The following USP6NL variants were observed in gnomAD, a reference collection of about 807,000 sequenced individuals.
The protein encoded by USP6NL is USP6 N-terminal-like protein.
A neutral mutation model predicts 61.9 loss-of-function variants in USP6NL; 26 were observed. The observed-to-expected ratio is 0.42, with a 90% CI of 0.31 to 0.58. The LOEUF is 0.58. Among genes scored for constraint, USP6NL ranks in the 20% least tolerant of loss-of-function variants. The probability of loss-of-function intolerance (pLI) is 0.16; values close to 1 mark genes in which losing one functional copy is unlikely to be tolerated. For synonymous variants in USP6NL, 432 were observed against 390.1 expected, an observed-to-expected ratio of 1.11 and a Z score of -1.27; for missense variants, 1,114 against 1,034.3, an observed-to-expected ratio of 1.08 and a Z score of -1.06.
chr10:11,499,031 C>G lies in USP6NL; in HGVS notation c.384+2070G>C, dbSNP rs563727053. On this transcript the variant is annotated intron_variant, in intron 7 of 14. Transcript: ENST00000609104. This position sits in a 1 kb window ranked among gnomAD's most constrained non-coding sequence, Gnocchi z 4.5. ...CTTTATGGGGACAAGAAAGGACAAA[C>G]AGGCCACCAGGGGAACTTGAAGGAC... Among the ~76,000 whole-genome samples the G allele has an allele frequency of 3.9e-5, 6 of 152,188 alleles. No homozygotes were observed. The highest frequency in any genetic ancestry group is 8.8e-5 in the Non-Finnish European group (6 of 68,034).
intron 2 of USP6NL, among the ~76,000 whole-genome samples, chr10:11,559,151 A>G (rs1287840393): frequency 6.6e-6 from 1 of 152,164 alleles, no homozygotes; most frequent in African/African-American, 2.4e-5. Flanking sequence ...GTGTGTGTGT[A>G]CCCAGGTACT....
intron 7 of USP6NL, among the ~76,000 whole-genome samples, chr10:11,493,681 T>C (rs1398142251): frequency 6.6e-6 from 1 of 152,260 alleles, no homozygotes; most frequent in Admixed American, 6.5e-5. Flanking sequence ...CCACTATAAA[T>C]GGTATAATCT....
At position 11,520,785 on chromosome 10, in the gene USP6NL, G is replaced by C. The variant is rs532421174; in HGVS notation, c.156-2211C>G. On this transcript the variant is annotated intron_variant, in intron 4 of 14. Transcript: ENST00000609104. This position sits in a 1 kb window ranked among gnomAD's most constrained non-coding sequence, Gnocchi z 5.2. ...TATTGTCTCTGGTTGTTTTCATGCT[G>C]CAACAGCAGGGTTAAGCAGTTGTGA... 6.6e-6 allele frequency among the ~76,000 whole-genome samples: 1 copy of C among 152,212 alleles called. No individual in the cohort carries two copies. Among genetic ancestry groups the C allele is most frequent in the Non-Finnish European group, 1.5e-5 (1 of 68,034 alleles).
chr10:11,546,441 G>T (rs561491826), intron 2 of USP6NL, among the ~76,000 whole-genome samples: 2 of 151,506 alleles, frequency 1.3e-5, no homozygotes, highest in Non-Finnish European at 2.9e-5. Context: ...TTGATCTGTC[G>T]CCCAGGCTGG....
rs149524215 is a variant in USP6NL, at chr10:11,563,836, C to T, written c.4+33795G>A. Reference sequence around the variant, plus strand: ...GTCTCCATCGACTCTACACAGACGACTCCCAGCCCCTGAGCATGCAGCCCT... The same window carrying T: ...GTCTCCATCGACTCTACACAGACGATTCCCAGCCCCTGAGCATGCAGCCCT... On this transcript the variant is annotated intron_variant, in intron 2 of 14. Transcript: ENST00000609104. 2.6e-5 allele frequency: 4 copies of T among 152,326 alleles called. No homozygotes were observed. The South Asian group carries it at 8.3e-4, about 32-fold the overall frequency. The allele number at this position is 152,326 out of a possible 1,614,324, so 9.4% of individuals were successfully genotyped here.
Position 11,485,163 on chromosome 10 carries a change from A to C in USP6NL, c.825+6T>G. 6.5e-7 allele frequency: 1 copy of C among 1,541,700 alleles called. No homozygotes were observed. The highest frequency in any genetic ancestry group is 8.7e-7 in the Non-Finnish European group (1 of 1,144,642). On this transcript the variant is annotated splice_donor_region_variant and intron_variant, in intron 12 of 14. Coordinates refer to ENST00000609104, the MANE Select transcript of USP6NL (RefSeq NM_014688.5). This position sits in a 1 kb window ranked among gnomAD's most constrained non-coding sequence, Gnocchi z 4.8. ...TTATGACTGAGTTTTGTAAATAAAT[A>C]CTTACACGATCAAGGAAACACTGAA...
rs868035574 is a variant in USP6NL at position 11,463,496 on chromosome 10, T to C, written c.1432A>G (p.Asn478Asp). Reference sequence around the variant, plus strand: ...TTGGGCACAAACTCCTTCCTGATATTTGAAGTGGCGTTGCTATTTTGGTTG... The same window carrying C: ...TTGGGCACAAACTCCTTCCTGATATCTGAAGTGGCGTTGCTATTTTGGTTG... The part of the protein sequence containing the change: ...AANQNSNATS[N>D]IRKEFVPKWN... The change falls in exon 15 of 15, where the codon AAT becomes GAT. Residue 478 changes from asparagine to aspartate, a missense_variant. Transcript: ENST00000609104. The surrounding 1 kb of genome is among the most constrained non-coding windows in gnomAD (Gnocchi z 6.3). The C allele has an allele frequency of 6.2e-7, 1 of 1,614,036 alleles. No individual in the cohort carries two copies. The highest frequency in any genetic ancestry group is 1.6e-4 in the Middle Eastern group (1 of 6,062).
At chr10:11,605,949 A>C (rs1237812626) in intron 1 of USP6NL, among the ~76,000 whole-genome samples, 1 of 152,240 alleles carries the variant, frequency 6.6e-6, no homozygotes, top group African/African-American at 2.4e-5. Flanking sequence ...GAAAAGCAGT[A>C]TCTGAAGAGA....
chr10:11,488,600 A>G (rs1057412197), intron 10 of USP6NL, among the ~76,000 whole-genome samples: 25 of 152,242 alleles, frequency 1.6e-4, no homozygotes, highest in Admixed American at 4.6e-4. Flanking sequence ...GTGAAAAAAC[A>G]AAAACTACAC....
At position 11,595,600 on chromosome 10, in the gene USP6NL, G is replaced by A. The variant is rs1206614216; in HGVS notation, c.4+2031C>T. On this transcript the variant is annotated intron_variant, in intron 2 of 14. Coordinates refer to ENST00000609104, the MANE Select transcript of USP6NL (RefSeq NM_014688.5). The surrounding 1 kb of genome is among the most constrained non-coding windows in gnomAD (Gnocchi z 5.3). Reference sequence around the variant, plus strand: ...TTCTGATCTGGGAACTCCAAAGCCAGGCAGAGACAAATATGAATCTGCTAG... The same window carrying A: ...TTCTGATCTGGGAACTCCAAAGCCAAGCAGAGACAAATATGAATCTGCTAG... Among the ~76,000 whole-genome samples the A allele has an allele frequency of 6.6e-6, 1 of 151,980 alleles. No individual in the cohort carries two copies. The highest frequency in any genetic ancestry group is 1.5e-5 in the Non-Finnish European group (1 of 68,000).
At chr10:11,594,729 T>A (rs1450510675) in intron 2 of USP6NL, among the ~76,000 whole-genome samples, 1 of 152,116 alleles carries the variant, frequency 6.6e-6, no homozygotes, top group Non-Finnish European at 1.5e-5. Context: ...CACCTAAAAA[T>A]AATAATAATA....
Position 11,490,864 on chromosome 10 carries a change from G to A in USP6NL, c.511C>T (p.His171Tyr). ...TAAATAGAATAGGCAGCAAGCACAT[G>A]GAATAAGGATTGTTGCCTAGAGAAA... ...RYGVKQQSLF[H>Y]VLAAYSIYNT... Residue 171 changes from histidine to tyrosine, a missense_variant, in exon 9 of 15, where the codon CAT becomes TAT. Transcript: ENST00000609104. This position sits in a 1 kb window ranked among gnomAD's most constrained non-coding sequence, Gnocchi z 4.5. 1 of 1,545,850 alleles carries A rather than the reference G, an allele frequency of 6.5e-7. No homozygotes were observed. The highest frequency in any genetic ancestry group is 8.7e-7 in the Non-Finnish European group (1 of 1,146,744).
At chr10:11,566,097 G>C (rs1047064702) in intron 2 of USP6NL, among the ~76,000 whole-genome samples, 1 of 152,176 alleles carries the variant, frequency 6.6e-6, no homozygotes, top group African/African-American at 2.4e-5. Flanking sequence ...GAGCTGGATG[G>C]CTATGAAAAT....
intron 13 of USP6NL, among the ~76,000 whole-genome samples, chr10:11,484,060 A>G (rs1177320548): frequency 6.6e-6 from 1 of 152,100 alleles, no homozygotes; most frequent in Non-Finnish European, 1.5e-5. Flanking sequence ...TATAAACAAG[A>G]CCCTGTGCAC....
At chr10:11,483,077 A>G (rs1833272558) in intron 13 of USP6NL, among the ~76,000 whole-genome samples, 2 of 152,206 alleles carry the variant, frequency 1.3e-5, no homozygotes, top group Admixed American at 6.5e-5. Context: ...ACAGCTCTCC[A>G]GAGCTTACTC....
chr10:11,473,483 C>G (rs1237249487), intron 14 of USP6NL, among the ~76,000 whole-genome samples: 1 of 152,150 alleles, frequency 6.6e-6, no homozygotes, highest in African/African-American at 2.4e-5. Flanking sequence ...TAAACCAAGT[C>G]GTGAAACTTG....
At position 11,595,843 on chromosome 10, in the gene USP6NL, C is replaced by T. The variant is rs763143727; in HGVS notation, c.4+1788G>A. ...TCCACAAAGAGATAAAATAACAGAACCAATTGTTTTAAGTGGACATGAAAA... is the reference window on the plus strand; with the variant it reads ...TCCACAAAGAGATAAAATAACAGAATCAATTGTTTTAAGTGGACATGAAAA... On this transcript the variant is annotated intron_variant, in intron 2 of 14. Coordinates refer to ENST00000609104, the MANE Select transcript of USP6NL (RefSeq NM_014688.5). This position sits in a 1 kb window ranked among gnomAD's most constrained non-coding sequence, Gnocchi z 5.3. 6.6e-5 allele frequency among the ~76,000 whole-genome samples: 10 copies of T among 152,012 alleles called. No individual in the cohort carries two copies. The highest frequency in any genetic ancestry group is 2.0e-4 in the Admixed American group (3 of 15,258).
At chr10:11,542,540 G>A (rs1163183465) in intron 2 of USP6NL, among the ~76,000 whole-genome samples, 1 of 152,100 alleles carries the variant, frequency 6.6e-6, no homozygotes, top group Non-Finnish European at 1.5e-5. Flanking sequence ...CCAACACAGC[G>A]AAATCCCATG....
At chr10:11,546,833 C>T (rs924078318) in intron 2 of USP6NL, among the ~76,000 whole-genome samples, 1 of 152,156 alleles carries the variant, frequency 6.6e-6, no homozygotes, top group African/African-American at 2.4e-5. Context: ...CTTTTAAACA[C>T]TATCAAGCAA....
Sources: gnomAD v4.1 joint callset for allele counts (sites outside exome capture counted in the v4.1 genomes callset) on GRCh38, gnomAD v4.1.1 for gene constraint, Gnocchi (gnomAD v3.1) non-coding constraint, MANE v1.5 for transcripts, NCBI Gene and HGNC (gene_info 2026-07-23, HGNC 2026-07-21) for gene names.